Variants in PPM1H observed in about 807,000 individuals in gnomAD.
PPM1H encodes protein phosphatase 1H.
In PPM1H, 27 loss-of-function variants were observed where a neutral mutation model predicts 54.9. That is an observed-to-expected ratio of 0.49 (90% confidence interval 0.36 to 0.68). PPM1H has a LOEUF of 0.68. Ranked by LOEUF, PPM1H falls within the 30% of genes least tolerant of loss-of-function variation. The probability of loss-of-function intolerance (pLI) is 0.00; values close to 1 mark genes in which losing one functional copy is unlikely to be tolerated. For missense variants in PPM1H, 596 were observed against 667.8 expected, an observed-to-expected ratio of 0.89 and a Z score of 1.19; for synonymous variants, 305 against 270.8, an observed-to-expected ratio of 1.13 and a Z score of -1.24.
chr12:62,730,841 C>G (rs1001524910), intron 5 of PPM1H, among the ~76,000 whole-genome samples: 1 of 152,258 alleles, frequency 6.6e-6, no homozygotes. Context: ...CTAACAGTCA[C>G]GCTAACAGTC....
At position 62,646,265 on chromosome 12, in the gene PPM1H, G is replaced by A. The variant is rs1184066165; in HGVS notation, c.*2224C>T. ...GTTATTCCTGAGACGTGCCATAGCA[G>A]TAAATGAATTGGTGAATTGAGTAGA... is the stretch of plus-strand genomic sequence containing the variant. On this transcript the variant is annotated 3_prime_UTR_variant, in exon 10 of 10. Coordinates refer to ENST00000228705, the MANE Select transcript of PPM1H (RefSeq NM_020700.2). 1 of 152,204 alleles carries A rather than the reference G, an allele frequency of 6.6e-6. No homozygotes were observed. The highest frequency in any genetic ancestry group is 1.5e-5 in the Non-Finnish European group (1 of 68,048). The allele number at this position is 152,204 out of a possible 1,614,324, so 9.4% of individuals were successfully genotyped here. A position where few individuals can be genotyped will look rare whatever the true frequency, so the allele number is the denominator to read the frequency against.
At chr12:62,665,502 T>G (rs1268690007) in intron 9 of PPM1H, among the ~76,000 whole-genome samples, 1 of 152,252 alleles carries the variant, frequency 6.6e-6, no homozygotes, top group Non-Finnish European at 1.5e-5. Context: ...GCCATCTTTT[T>G]AGTCTCTTAA....
At chr12:62,684,892 G>C (rs975601430) in intron 8 of PPM1H, among the ~76,000 whole-genome samples, 1 of 152,036 alleles carries the variant, frequency 6.6e-6, no homozygotes, top group Non-Finnish European at 1.5e-5. Context: ...ACCACCCAGG[G>C]AAAGGGGGTT....
chr12:62,918,593 C>T (rs1014184524), intron 1 of PPM1H, among the ~76,000 whole-genome samples: 1 of 152,062 alleles, frequency 6.6e-6, no homozygotes, highest in East Asian at 1.9e-4. Flanking sequence ...TTAGGAAAGT[C>T]CATTTTGAGT....
chr12:62,710,852 A>G (rs546765343), intron 6 of PPM1H, among the ~76,000 whole-genome samples: 2 of 152,342 alleles, frequency 1.3e-5, no homozygotes, highest in African/African-American at 2.4e-5. Flanking sequence ...TCCTGAGGCC[A>G]GCAGCAGCTC....
At chr12:62,922,100 C>T (rs539819976) in intron 1 of PPM1H, among the ~76,000 whole-genome samples, 4 of 152,078 alleles carry the variant, frequency 2.6e-5, no homozygotes, top group Non-Finnish European at 5.9e-5. Flanking sequence ...GTAATTTTGA[C>T]AAGGTTTGGA....
intron 1 of PPM1H, among the ~76,000 whole-genome samples, chr12:62,886,087 T>C (rs1252769523): frequency 6.6e-6 from 1 of 152,252 alleles, no homozygotes; most frequent in African/African-American, 2.4e-5. Flanking sequence ...ACAGTCAATA[T>C]TTTTTCAAGT....
At chr12:62,929,046 A>C (rs973508740) in intron 1 of PPM1H, among the ~76,000 whole-genome samples, 3 of 152,262 alleles carry the variant, frequency 2.0e-5, no homozygotes, top group Non-Finnish European at 4.4e-5. Context: ...AATGTGACTT[A>C]AAGGCTCCAA....
chr12:62,809,692 T>C (rs1202810971), intron 2 of PPM1H, among the ~76,000 whole-genome samples: 1 of 152,208 alleles, frequency 6.6e-6, no homozygotes, highest in East Asian at 1.9e-4. Flanking sequence ...GCTCAGAATC[T>C]TCAGTTACTC....
At chr12:62,854,350 G>A (rs991513906) in intron 1 of PPM1H, among the ~76,000 whole-genome samples, 2 of 152,126 alleles carry the variant, frequency 1.3e-5, no homozygotes, top group Non-Finnish European at 2.9e-5. Context: ...ATGATCTACA[G>A]TCTAGAAAAT....
intron 8 of PPM1H, among the ~76,000 whole-genome samples, chr12:62,671,287 A>G (rs2075955308): frequency 6.6e-6 from 1 of 152,092 alleles, no homozygotes; most frequent in South Asian, 2.1e-4. Context: ...TTGAAGTGGG[A>G]CTGGGGGACA....
intron 9 of PPM1H, among the ~76,000 whole-genome samples, chr12:62,653,107 C>A (rs907385813): frequency 6.6e-6 from 1 of 152,066 alleles, no homozygotes; most frequent in Admixed American, 6.5e-5. Context: ...TTTTATCATT[C>A]CTTTATAGGT....
intron 4 of PPM1H, among the ~76,000 whole-genome samples, chr12:62,763,973 G>A (rs1485393558): frequency 2.0e-5 from 3 of 152,310 alleles, no homozygotes; most frequent in East Asian, 3.9e-4. Context: ...CTCCTCCAGC[G>A]AAGGTCAGGG....
Position 62,659,147 on chromosome 12 carries a change from C to T in PPM1H, c.1397+8031G>A, listed in dbSNP as rs565177687. On this transcript the variant is annotated intron_variant, in intron 9 of 9. Transcript: ENST00000228705. ...ATGTTTCCTCCAAGAACTGCAAAGC[C>T]GTTGTGGAAAGAGCTGCCCAGCTGG... is the stretch of plus-strand genomic sequence containing the variant. 1.4e-4 allele frequency: 106 copies of T among 732,136 alleles called. 2 individuals are homozygous for T. The highest frequency in any genetic ancestry group is 1.2e-3 in the Middle Eastern group (3 of 2,592). The allele number at this position is 732,136 out of a possible 1,614,324, so 45.4% of individuals were successfully genotyped here.
At chr12:62,710,377 C>G (rs759612717) in intron 6 of PPM1H, among the ~76,000 whole-genome samples, 5 of 151,646 alleles carry the variant, frequency 3.3e-5, no homozygotes, top group Non-Finnish European at 5.9e-5. Flanking sequence ...ACTAAAAATA[C>G]AAAAATTAGC....
At chr12:62,838,454 T>C (rs1173527747) in intron 1 of PPM1H, among the ~76,000 whole-genome samples, 2 of 152,134 alleles carry the variant, frequency 1.3e-5, no homozygotes, top group African/African-American at 4.8e-5. Context: ...AAGTGGTTAC[T>C]GGCCACACAG....
chr12:62,717,791 C>T (rs1436687158), intron 6 of PPM1H, among the ~76,000 whole-genome samples: 1 of 152,146 alleles, frequency 6.6e-6, no homozygotes, highest in East Asian at 1.9e-4. Context: ...ACCTTTACAG[C>T]CTTTGAAAGC....
At chr12:62,710,480 T>C (rs61919551) in intron 6 of PPM1H, among the ~76,000 whole-genome samples, 19,083 of 148,874 alleles carry the variant, frequency 0.13, 1,400 homozygotes, top group African/African-American at 0.19. Context: ...TGCAGTGGGC[T>C]GAGATCACAC....
At chr12:62,850,918 G>A (rs1012472244) in intron 1 of PPM1H, 144 of 151,982 alleles carry the variant, frequency 9.5e-4, no homozygotes, top group African/African-American at 3.3e-3. Flanking sequence ...TAGAATAAAT[G>A]TTATTTATTA....
Sources: allele counts gnomAD v4.1 joint callset (sites outside exome capture counted in the v4.1 genomes callset), GRCh38; gene constraint gnomAD v4.1.1; transcripts MANE v1.5; gene names NCBI Gene and HGNC (gene_info 2026-07-23, HGNC 2026-07-21).